Variants in CUL9 observed in about 807,000 individuals in gnomAD.
CUL9 encodes the protein cullin 9.
Under a neutral mutation model 272.6 loss-of-function variants are expected in CUL9, and 79 were observed. The observed-to-expected ratio is 0.29, with a 90% confidence interval of 0.24 to 0.35. The LOEUF is 0.35. Among genes scored for constraint, CUL9 ranks in the 10% least tolerant of loss-of-function variants. CUL9 has a pLI of 1.00. For synonymous variants in CUL9, 1,186 were observed against 1,286.5 expected (o/e 0.92, Z 1.67); for missense variants, 2,532 against 3,255.6 (o/e 0.78, Z 5.41).
At chr6:43,191,651 C>T (rs1476824187) in intron 8 of CUL9, among the ~76,000 whole-genome samples, 1 of 151,882 alleles carries the variant, frequency 6.6e-6, no homozygotes, top group Non-Finnish European at 1.5e-5. Context: ...GCAGTGCAAT[C>T]TCGGCTCACT....
rs192885082 is a variant in CUL9, at chr6:43,203,135, G to A, written c.3780G>A (p.Arg1260=). 3 of 1,613,706 alleles carry A rather than the reference G, an allele frequency of 1.9e-6. No homozygotes were observed. The highest frequency in any genetic ancestry group is 4.5e-5 in the East Asian group (2 of 44,882). Residue 1260 remains arginine, a synonymous_variant, in exon 18 of 41, where the codon CGG becomes CGA. Coordinates refer to ENST00000252050, the MANE Select transcript of CUL9 (RefSeq NM_015089.4). The surrounding 1 kb of genome is among the most constrained non-coding windows in gnomAD (Gnocchi z 5.0). ...NTVNVMPSAS[R]VILLENLNRF... ...TGAATGTGATGCCCTCTGCCAGCCG[G>A]GTGATCCTCTTGGAGAACCTGAACC...
intron 16 of CUL9, among the ~76,000 whole-genome samples, chr6:43,202,440 T>G (rs1056265287): frequency 1.3e-5 from 2 of 152,122 alleles, no homozygotes; most frequent in Non-Finnish European, 1.5e-5. Flanking sequence ...GAGGGTCTAG[T>G]GGGGACAGCT....
chr6:43,204,939 A>G lies in CUL9; in HGVS notation c.4456A>G (p.Arg1486Gly). Residue 1486 changes from arginine to glycine, a missense_variant, in exon 23 of 41, where the codon AGA becomes GGA. Around this residue, in one of 3 missense-constraint regions of CUL9, gnomAD observed 2,218 missense variants for 2,788.6 expected, o/e 0.80. Coordinates refer to ENST00000252050, the MANE Select transcript of CUL9 (RefSeq NM_015089.4). ...TTCTTGCCTTTCTCCTCAGGTCAGC[A>G]GATTCCTGGCTGCAGCTTGGAGGGC... ...WLSVVQEQVS[R>G]FLAAAWRAPD... 3 of 1,608,508 alleles carry G rather than the reference A, an allele frequency of 1.9e-6. No individual in the cohort carries two copies. Among genetic ancestry groups the G allele is most frequent in the South Asian group, 2.2e-5 (2 of 90,634 alleles).
Position 43,203,812 on chromosome 6 carries a change from A to G in CUL9, c.4026-42A>G. On this transcript the variant is annotated intron_variant, in intron 19 of 40. Coordinates refer to ENST00000252050, the MANE Select transcript of CUL9 (RefSeq NM_015089.4). The surrounding 1 kb of genome is among the most constrained non-coding windows in gnomAD (Gnocchi z 5.0). The stretch of plus-strand genomic sequence containing the variant: ...GCACTTGAATGGAGGCCTCTGGGAA[A>G]TCGGTGCCATTAATCCTCCGCCATG... The G allele has an allele frequency of 6.4e-7, 1 of 1,564,128 alleles. No homozygotes were observed. The highest frequency in any genetic ancestry group is 8.7e-7 in the Non-Finnish European group (1 of 1,150,614).
intron 26 of CUL9, among the ~76,000 whole-genome samples, chr6:43,212,354 T>G (rs1775579447): frequency 6.6e-6 from 1 of 152,216 alleles, no homozygotes; most frequent in Non-Finnish European, 1.5e-5. Context: ...ATTGCTTAGG[T>G]CTATCATTTC....
At position 43,222,860 on chromosome 6, in the gene CUL9, C is replaced by T. The variant is rs1776487710; in HGVS notation, c.7114C>T (p.Leu2372=). ...TGTGGTGGAGCAGCAGACAGAGAACCTGGAGCTGCACACCAATGCCCTGCA... is the reference window on the plus strand; with the variant it reads ...TGTGGTGGAGCAGCAGACAGAGAACTTGGAGCTGCACACCAATGCCCTGCA... ...MDVVEQQTEN[L]ELHTNALQIL... Residue 2372 remains leucine (L), a synonymous_variant, in exon 38 of 41, where the codon CTG becomes TTG. Coordinates refer to ENST00000252050, the MANE Select transcript of CUL9 (RefSeq NM_015089.4). The T allele has an allele frequency of 1.9e-6, 3 of 1,613,912 alleles. No homozygotes were observed. The highest frequency in any genetic ancestry group is 1.7e-4 in the Middle Eastern group (1 of 6,012).
In CUL9 at chr6:43,184,817, C is replaced by T; in HGVS notation, c.507C>T (p.Asp169=). 1 of 1,613,314 alleles carries T rather than the reference C, an allele frequency of 6.2e-7. No homozygotes were observed. The highest frequency in any genetic ancestry group is 8.5e-7 in the Non-Finnish European group (1 of 1,180,030). ...TCTTCAGGGAGACAGGAGCCCTGGACCTGCTCATGCACATGTTATGCAATC... is the reference window on the plus strand; with the variant it reads ...TCTTCAGGGAGACAGGAGCCCTGGATCTGCTCATGCACATGTTATGCAATC... The part of the protein sequence containing the change: ...TGVFRETGAL[D]LLMHMLCNPE... The change falls in exon 2 of 41, where the codon GAC becomes GAT. Residue 169 remains aspartate, a synonymous_variant. Transcript: ENST00000252050. This position sits in a 1 kb window ranked among gnomAD's most constrained non-coding sequence, Gnocchi z 4.8.
At chr6:43,185,693 C>T (rs1332372517) in intron 3 of CUL9, 83 bp downstream of exon 3, 31 of 1,440,662 alleles carry the variant, frequency 2.2e-5, no homozygotes, top group Non-Finnish European at 2.8e-6. Flanking sequence ...TGAATGTTAG[C>T]ACCAGAGCCA....
In CUL9 at chr6:43,205,088, G is replaced by T; in HGVS notation, c.4605G>T (p.Leu1535=). The change falls in exon 23 of 41, where the codon CTG becomes CTT. Residue 1535 remains leucine (L), a synonymous_variant. Coordinates refer to ENST00000252050, the MANE Select transcript of CUL9 (RefSeq NM_015089.4). ...ALRSGFSGAL[L]QQSFLTAAHM... is the part of the protein sequence containing the mutation. ...GCAGTGGCTTCTCTGGCGCCTTGCT[G>T]CAGCAGTCCTTCCTCACTGCTGCTC... is the stretch of plus-strand genomic sequence containing the variant. The T allele has an allele frequency of 6.3e-7, 1 of 1,599,070 alleles. No homozygotes were observed. The highest frequency in any genetic ancestry group is 8.5e-7 in the Non-Finnish European group (1 of 1,172,474).
chr6:43,200,257 T>C lies in CUL9; in HGVS notation c.3384+101T>C. On this transcript the variant is annotated intron_variant, in intron 14 of 40. Transcript: ENST00000252050. The surrounding 1 kb of genome is among the most constrained non-coding windows in gnomAD (Gnocchi z 4.0). The stretch of plus-strand genomic sequence containing the variant: ...TTTGGTATCCCTGTTTGGCACAGGT[T>C]GTAGCAAATCTGGGGCACTTGTTTC... 1.4e-6 allele frequency: 2 copies of C among 1,449,734 alleles called. No individual in the cohort carries two copies. The highest frequency in any genetic ancestry group is 1.9e-6 in the Non-Finnish European group (2 of 1,054,962). 89.8% of individuals were successfully genotyped at this position (1,449,734 alleles called of 1,614,324 possible).
At position 43,193,094 on chromosome 6, in the gene CUL9, C is replaced by T. The variant is rs1383449889; in HGVS notation, c.2274C>T (p.Leu758=). The T allele has an allele frequency of 1.2e-6, 2 of 1,614,098 alleles. No homozygotes were observed. Among genetic ancestry groups the T allele is most frequent in the Non-Finnish European group, 1.7e-6 (2 of 1,180,050 alleles). The part of the protein sequence containing the change: ...VVQALRLLYL[L]MTKHEWRPLF... Reference sequence around the variant, plus strand: ...AGGCCCTGCGCCTCCTTTACCTGCTCATGACCAAGCACGAGTGGCGGCCGC... The same window carrying T: ...AGGCCCTGCGCCTCCTTTACCTGCTTATGACCAAGCACGAGTGGCGGCCGC... Residue 758 remains leucine (L), a synonymous_variant, in exon 9 of 41, where the codon CTC becomes CTT. Transcript: ENST00000252050.
In CUL9 at chr6:43,203,388, G is replaced by A; in HGVS notation, c.3850-29G>A. On this transcript the variant is annotated intron_variant, in intron 18 of 40. Coordinates refer to ENST00000252050, the MANE Select transcript of CUL9 (RefSeq NM_015089.4). The surrounding 1 kb of genome is among the most constrained non-coding windows in gnomAD (Gnocchi z 5.0). ...AGTACTTAGTGGCTCAAGCGGCTTG[G>A]GTGACAGATAAGTCTGTGCATGTTC... is the stretch of plus-strand genomic sequence containing the variant. 1 of 1,612,024 alleles carries A rather than the reference G, an allele frequency of 6.2e-7. No homozygotes were observed. Among genetic ancestry groups the A allele is most frequent in the South Asian group, 1.1e-5 (1 of 90,848 alleles).
In CUL9 at chr6:43,184,896, C is replaced by T; in HGVS notation, c.586C>T (p.His196Tyr). 6.3e-7 allele frequency: 1 copy of T among 1,590,288 alleles called. No individual in the cohort carries two copies. Among genetic ancestry groups the T allele is most frequent in the Non-Finnish European group, 8.5e-7 (1 of 1,170,858 alleles). The change falls in exon 2 of 41, where the codon CAC becomes TAC. Residue 196 changes from histidine to tyrosine, a missense_variant. By Grantham distance (83) the His-to-Tyr change is moderately conservative. Transcript: ENST00000252050. This position sits in a 1 kb window ranked among gnomAD's most constrained non-coding sequence, Gnocchi z 4.8. ...AGKMLQALAAHDAGSRAHVLL... is the reference protein window; with the variant it reads ...AGKMLQALAAYDAGSRAHVLL... ...CAAAATGCTGCAGGCTCTGGCAGCC[C>T]ACGATGCTGGTAAGAGACAGCCAGG... is the stretch of plus-strand genomic sequence containing the variant.
At chr6:43,205,950 A>T (rs1775011722) in intron 24 of CUL9, 57 bp from the exon 25 acceptor site, 1 of 1,483,528 alleles carries the variant, frequency 6.7e-7, no homozygotes, top group African/African-American at 1.4e-5. Context: ...CTCGAGGGGG[A>T]GGCTGGGCCA....
intron 8 of CUL9, among the ~76,000 whole-genome samples, 199 bp from the exon 9 acceptor site, chr6:43,192,802 G>A (rs1459685204): frequency 6.6e-6 from 1 of 152,146 alleles, no homozygotes; most frequent in African/African-American, 2.4e-5. Context: ...TTCATTAGCC[G>A]AGGAGCCAGA....
Position 43,203,494 on chromosome 6 carries a change from G to A in CUL9, c.3927G>A (p.Gln1309=). Residue 1309 remains glutamine (Q), a synonymous_variant, in exon 19 of 41, where the codon CAG becomes CAA. Transcript: ENST00000252050. The surrounding 1 kb of genome is among the most constrained non-coding windows in gnomAD (Gnocchi z 5.0). ...KPTFWPLFRE[Q]LCRRTCLFYT... ...CATTCTGGCCACTGTTCCGGGAGCA[G>A]CTGTGTCGCCGAACATGTCTCTTCT... 1.2e-6 allele frequency: 2 copies of A among 1,614,204 alleles called. No homozygotes were observed. Among genetic ancestry groups the A allele is most frequent in the Non-Finnish European group, 1.7e-6 (2 of 1,180,042 alleles).
chr6:43,204,046 A>C, intron 20 of CUL9, 59 bp downstream of exon 20: 1 of 1,528,892 alleles, frequency 6.5e-7, no homozygotes. Context: ...CCCAGGGATC[A>C]CCTGAGTTAA....
At position 43,221,669 on chromosome 6, in the gene CUL9, C is replaced by T. The variant is rs774592011; in HGVS notation, c.6753-16C>T. The T allele has an allele frequency of 6.2e-7, 1 of 1,609,790 alleles. No individual in the cohort carries two copies. The highest frequency in any genetic ancestry group is 8.5e-7 in the Non-Finnish European group (1 of 1,177,966). On this transcript the variant is annotated splice_polypyrimidine_tract_variant and intron_variant, in intron 34 of 40. Transcript: ENST00000252050. The surrounding 1 kb of genome is among the most constrained non-coding windows in gnomAD (Gnocchi z 4.2). ...CCCAGAGGCAGGAGTCCCTGACCAG[C>T]CAGCTTCCTCCATAGCATGACCTGT...
chr6:43,191,988 G>A (rs1159470541), intron 8 of CUL9, among the ~76,000 whole-genome samples: 1 of 148,276 alleles, frequency 6.7e-6, no homozygotes, highest in Non-Finnish European at 1.5e-5. Context: ...CCCTATGTCA[G>A]TTCCAGGGTT....
Sources: gnomAD v4.1 joint callset for allele counts (sites outside exome capture counted in the v4.1 genomes callset) on GRCh38, gnomAD v4.1.1 for gene constraint, gnomAD v4.1.1 regional missense constraint, Gnocchi (gnomAD v3.1) non-coding constraint, MANE v1.5 for transcripts, NCBI Gene and HGNC (gene_info 2026-07-23, HGNC 2026-07-21) for gene names.